The following FBXW7 variants were observed in gnomAD, a reference collection of about 807,000 sequenced individuals.
The protein encoded by FBXW7 is F-box and WD repeat domain containing 7, also known as F-box/WD repeat-containing protein 7.
Under a neutral mutation model 86.3 loss-of-function variants are expected in FBXW7, and 11 were observed. That is an observed-to-expected ratio of 0.13 (90% CI 0.08 to 0.21). The LOEUF is 0.21. FBXW7 is among the 10% of genes least tolerant of loss of function. FBXW7 has a pLI of 1.00. For missense variants in FBXW7, 488 were observed against 847.4 expected (o/e 0.58, Z 5.27); for synonymous variants, 313 against 297.9 (o/e 1.05, Z -0.52).
intron 4 of FBXW7, among the ~76,000 whole-genome samples, chr4:152,351,468 G>A (rs1731809412): frequency 6.6e-6 from 1 of 151,950 alleles, no homozygotes; most frequent in African/African-American, 2.4e-5. Context: ...TCATTACATT[G>A]TTTTAAAGTG....
intron 4 of FBXW7, among the ~76,000 whole-genome samples, chr4:152,400,742 G>A (rs571130754): frequency 2.1e-4 from 32 of 152,290 alleles, no homozygotes; most frequent in Middle Eastern, 3.4e-3. Context: ...AGGAATGTCA[G>A]CTCTCTGAAA....
At chr4:152,433,423 T>G (rs534960469) in intron 2 of FBXW7, among the ~76,000 whole-genome samples, 2 of 152,360 alleles carry the variant, frequency 1.3e-5, no homozygotes, top group East Asian at 3.9e-4. Context: ...GAAAGTAGTA[T>G]GGCATTGTGG....
chr4:152,426,830 G>T (rs1015075028), intron 2 of FBXW7, among the ~76,000 whole-genome samples: 1 of 152,170 alleles, frequency 6.6e-6, no homozygotes, highest in African/African-American at 2.4e-5. Flanking sequence ...GAAACTGTGG[G>T]AGTGAAATAA....
At chr4:152,459,476 C>T (rs1471179441) in intron 2 of FBXW7, among the ~76,000 whole-genome samples, 1 of 152,110 alleles carries the variant, frequency 6.6e-6, no homozygotes, top group Non-Finnish European at 1.5e-5. Flanking sequence ...AATAGTCATT[C>T]CAAGACTCTT....
At chr4:152,331,691 C>T (rs1729578824) in intron 8 of FBXW7, among the ~76,000 whole-genome samples, 1 of 151,796 alleles carries the variant, frequency 6.6e-6, no homozygotes, top group Non-Finnish European at 1.5e-5. Context: ...GTACTTAATG[C>T]CACTGAACTG....
At chr4:152,473,385 C>G (rs1744128128) in intron 2 of FBXW7, among the ~76,000 whole-genome samples, 1 of 152,146 alleles carries the variant, frequency 6.6e-6, no homozygotes, top group African/African-American at 2.4e-5. Context: ...GATAGCCAAG[C>G]CAGGCATTCA....
intron 2 of FBXW7, among the ~76,000 whole-genome samples, chr4:152,498,308 A>G (rs1746568036): frequency 6.6e-6 from 1 of 151,434 alleles, no homozygotes; most frequent in Non-Finnish European, 1.5e-5. Flanking sequence ...AAAAAAACTC[A>G]TAAAACATTA....
At chr4:152,456,360 TAAAAAA>T (rs58250889) in intron 2 of FBXW7, among the ~76,000 whole-genome samples, 5 of 72,120 alleles carry the variant, frequency 6.9e-5, no homozygotes, top group Non-Finnish European at 1.1e-4. Flanking sequence ...AAAAAATCCT[TAAAAAA>T]AAAAAAAAAA....
intron 2 of FBXW7, among the ~76,000 whole-genome samples, chr4:152,482,143 T>C (rs899474069): frequency 1.3e-5 from 2 of 152,194 alleles, no homozygotes; most frequent in Non-Finnish European, 2.9e-5. Context: ...ACTATCACCC[T>C]GACTGGCGAG....
intron 7 of FBXW7, among the ~76,000 whole-genome samples, chr4:152,333,577 AAT>A (rs1378344704): frequency 6.6e-6 from 1 of 152,202 alleles, no homozygotes; most frequent in Non-Finnish European, 1.5e-5. Context: ...TAGGGAAAAC[AAT>A]TTAAATAGAG....
intron 4 of FBXW7, among the ~76,000 whole-genome samples, chr4:152,405,095 T>TAAAAA (rs11394424): frequency 2.4e-4 from 19 of 79,028 alleles, no homozygotes; most frequent in Admixed American, 5.1e-4. Flanking sequence ...GACCTTGTCT[T>TAAAAA]AAAAAAAAAA....
At chr4:152,343,530 T>C (rs960410647) in intron 6 of FBXW7, among the ~76,000 whole-genome samples, 5 of 152,202 alleles carry the variant, frequency 3.3e-5, no homozygotes, top group Non-Finnish European at 7.4e-5. Context: ...AATGAAATTA[T>C]TGTTTTTAAG....
chr4:152,472,077 C>G (rs1744017027), intron 2 of FBXW7, among the ~76,000 whole-genome samples: 2 of 151,920 alleles, frequency 1.3e-5, no homozygotes, highest in African/African-American at 4.8e-5. Flanking sequence ...AAAGACCAAA[C>G]AAAACTTCAC....
chr4:152,369,623 C>G (rs985931249), intron 4 of FBXW7, among the ~76,000 whole-genome samples: 2 of 151,950 alleles, frequency 1.3e-5, no homozygotes, highest in African/African-American at 4.8e-5. Context: ...ATTAAAGAAT[C>G]TTAAAAATAA....
At chr4:152,503,919 T>C (rs909687134) in intron 2 of FBXW7, among the ~76,000 whole-genome samples, 4 of 152,182 alleles carry the variant, frequency 2.6e-5, no homozygotes, top group African/African-American at 9.7e-5. Context: ...GCCAAAAATA[T>C]GAATCCTAGC....
intron 2 of FBXW7, among the ~76,000 whole-genome samples, chr4:152,439,865 C>CAAAAAAAAAAAAAA: frequency 1.7e-5 from 1 of 57,158 alleles, no homozygotes. Context: ...GACTCCGTCA[C>CAAAAAAAAAAAAAA]AAAAAAAAAA....
At chr4:152,461,148 G>A (rs1742905385) in intron 2 of FBXW7, among the ~76,000 whole-genome samples, 1 of 152,152 alleles carries the variant, frequency 6.6e-6, no homozygotes, top group African/African-American at 2.4e-5. Context: ...AGCCAGACAT[G>A]TTGGTGCATG....
chr4:152,447,077 G>A (rs1405611142), intron 2 of FBXW7, among the ~76,000 whole-genome samples: 1 of 152,162 alleles, frequency 6.6e-6, no homozygotes, highest in Admixed American at 6.5e-5. Flanking sequence ...GACTAGCACA[G>A]ATAATATTTT....
At chr4:152,519,279 C>T (rs1748789103) in intron 2 of FBXW7, among the ~76,000 whole-genome samples, 1 of 151,958 alleles carries the variant, frequency 6.6e-6, no homozygotes, top group African/African-American at 2.4e-5. Flanking sequence ...GCCTGGGCTA[C>T]AGAGTGAGAC....
Sources: allele counts gnomAD v4.1 joint callset (sites outside exome capture counted in the v4.1 genomes callset), GRCh38; gene constraint gnomAD v4.1.1; transcripts MANE v1.5; gene names NCBI Gene and HGNC (gene_info 2026-07-23, HGNC 2026-07-21).